Variants in TMCC3 observed in about 807,000 individuals in gnomAD.
The protein encoded by TMCC3 is transmembrane and coiled-coil domain family 3.
A neutral mutation model predicts 40.2 loss-of-function variants in TMCC3; 28 were observed. The ratio of observed to expected loss-of-function variants is 0.70; its 90% CI spans 0.52 to 0.95. TMCC3 has a LOEUF of 0.95. Among genes scored for constraint, TMCC3 ranks in the 40% least tolerant of loss-of-function variants. The pLI, the probability that TMCC3 is intolerant of heterozygous loss-of-function variation, is 0.00. For missense variants in TMCC3, 554 were observed against 615.2 expected, an observed-to-expected ratio of 0.90 and a Z score of 1.05; for synonymous variants, 255 against 248.5, an observed-to-expected ratio of 1.03 and a Z score of -0.25.
Position 94,567,623 on chromosome 12 carries a change from A to G in TMCC3, c.*3812T>C, listed in dbSNP as rs889957884. The G allele has an allele frequency of 1.3e-5, 2 of 152,012 alleles. No individual in the cohort carries two copies. Among genetic ancestry groups the G allele is most frequent in the Non-Finnish European group, 2.9e-5 (2 of 68,012 alleles). The allele number at this position is 152,012 out of a possible 1,614,324, so 9.4% of individuals were successfully genotyped here. On this transcript the variant is annotated 3_prime_UTR_variant, in exon 4 of 4. Transcript: ENST00000261226. ...CCAATTTCATTCTTTGCAGTGATTT[A>G]TCTTTTTAAACCAACTCGTTCCTTT...
At chr12:94,632,260 G>T (rs1288261740) in intron 1 of TMCC3, among the ~76,000 whole-genome samples, 1 of 152,140 alleles carries the variant, frequency 6.6e-6, no homozygotes, top group Non-Finnish European at 1.5e-5. Flanking sequence ...AGAATTCATA[G>T]GACTGTGCAC....
intron 1 of TMCC3, among the ~76,000 whole-genome samples, chr12:94,589,058 G>A (rs371098131): frequency 3.3e-5 from 5 of 152,134 alleles, no homozygotes; most frequent in African/African-American, 4.8e-5. Flanking sequence ...CCTGACCTCA[G>A]GTGATCCGCC....
chr12:94,644,691 G>A (rs866877999), intron 1 of TMCC3, among the ~76,000 whole-genome samples: 27 of 152,122 alleles, frequency 1.8e-4, no homozygotes, highest in African/African-American at 4.3e-4. Context: ...CGGTGAAAAC[G>A]ATATCTGTGT....
At chr12:94,617,927 T>C (rs961111506) in intron 1 of TMCC3, among the ~76,000 whole-genome samples, 2 of 152,196 alleles carry the variant, frequency 1.3e-5, no homozygotes, top group Non-Finnish European at 2.9e-5. Context: ...ATAGCCTCTA[T>C]CCTCTGGCTC....
chr12:94,576,241 A>G (rs1410157764), intron 3 of TMCC3, among the ~76,000 whole-genome samples: 2 of 152,250 alleles, frequency 1.3e-5, no homozygotes, highest in Admixed American at 1.3e-4. Context: ...GTTGGTTCCC[A>G]GAACTGTCCC....
chr12:94,602,815 A>G (rs2068760932), intron 1 of TMCC3, among the ~76,000 whole-genome samples: 2 of 152,096 alleles, frequency 1.3e-5, no homozygotes, highest in African/African-American at 4.8e-5. Context: ...ATCAAGTTTG[A>G]ATTGTGACAC....
At chr12:94,649,121 C>T (rs2069037600) in intron 1 of TMCC3, among the ~76,000 whole-genome samples, 1 of 152,152 alleles carries the variant, frequency 6.6e-6, no homozygotes, top group African/African-American at 2.4e-5. Flanking sequence ...TATTATTCCA[C>T]CAAATATATT....
rs773811796 is a variant in TMCC3 at position 94,632,514 on chromosome 12, A to G, written c.78+17839T>C. On this transcript the variant is annotated intron_variant, in intron 1 of 3. Transcript: ENST00000261226. ...GCATCATAAAAATTTTCTCTTACAG[A>G]TATTAAAATGTGGCCTTAAAAAATC... Among the ~76,000 whole-genome samples, 3 of 152,242 alleles carry G rather than the reference A, an allele frequency of 2.0e-5. No homozygotes were observed. In the East Asian group the frequency reaches 5.8e-4, roughly 29 times the overall value.
At chr12:94,602,074 A>G (rs2068756467) in intron 1 of TMCC3, among the ~76,000 whole-genome samples, 1 of 152,192 alleles carries the variant, frequency 6.6e-6, no homozygotes, top group Non-Finnish European at 1.5e-5. Flanking sequence ...AATTAGAAAA[A>G]AGACAAGCCA....
chr12:94,588,219 C>T (rs2068649560), intron 1 of TMCC3, among the ~76,000 whole-genome samples: 1 of 152,192 alleles, frequency 6.6e-6, no homozygotes, highest in Admixed American at 6.5e-5. Context: ...TCTCCCAGGA[C>T]ACTCTGTATT....
At chr12:94,609,891 A>G (rs1425482796) in intron 1 of TMCC3, 1 of 152,124 alleles carries the variant, frequency 6.6e-6, no homozygotes, top group South Asian at 2.1e-4. Context: ...ATCTTCTTTC[A>G]TATTTTATTA....
intron 1 of TMCC3, chr12:94,609,986 G>T (rs1368933381): frequency 1.3e-5 from 2 of 152,202 alleles, no homozygotes; most frequent in African/African-American, 2.4e-5. Context: ...TGCAAGGGAG[G>T]CTGGGGAGGC....
chr12:94,607,139 A>G (rs570528831), intron 1 of TMCC3, among the ~76,000 whole-genome samples: 3 of 152,332 alleles, frequency 2.0e-5, no homozygotes, highest in East Asian at 3.9e-4. Flanking sequence ...TTGCACATCC[A>G]TTTATAGGCT....
At chr12:94,639,070 T>C (rs1208239452) in intron 1 of TMCC3, among the ~76,000 whole-genome samples, 1 of 152,230 alleles carries the variant, frequency 6.6e-6, no homozygotes, top group Non-Finnish European at 1.5e-5. Context: ...AAAGAATTCA[T>C]ATTTTCTGGA....
chr12:94,587,359 G>A (rs1185144393), intron 1 of TMCC3, among the ~76,000 whole-genome samples: 1 of 152,142 alleles, frequency 6.6e-6, no homozygotes, highest in Non-Finnish European at 1.5e-5. Flanking sequence ...AGACAATTCA[G>A]AACTAATACT....
At position 94,601,734 on chromosome 12, in the gene TMCC3, G is replaced by A. The variant is rs149113211; in HGVS notation, c.79-19196C>T. 3.1e-3 allele frequency among the ~76,000 whole-genome samples: 453 copies of A among 147,360 alleles called. 3 individuals are homozygous for A. Among genetic ancestry groups the A allele is most frequent in the African/African-American group, 0.011 (420 of 39,654 alleles). The stretch of plus-strand genomic sequence containing the variant: ...TGAGACAGGAGAATTGCTTGAACCC[G>A]GGAGGCAGAGGTTGCAGTGAACCAA... On this transcript the variant is annotated intron_variant, in intron 1 of 3. Coordinates refer to ENST00000261226, the MANE Select transcript of TMCC3 (RefSeq NM_020698.4).
chr12:94,638,722 C>T (rs2128899), intron 1 of TMCC3, among the ~76,000 whole-genome samples: 53,199 of 152,066 alleles, frequency 0.35, 9,520 homozygotes, highest in East Asian at 0.39. Context: ...TAAAATAGTA[C>T]CCTGCTGACT....
At chr12:94,622,670 T>C (rs1222311969) in intron 1 of TMCC3, among the ~76,000 whole-genome samples, 1 of 152,182 alleles carries the variant, frequency 6.6e-6, no homozygotes, top group African/African-American at 2.4e-5. Flanking sequence ...TTCCATACTC[T>C]GATTTTTATC....
chr12:94,649,609 C>T (rs1261181845), intron 1 of TMCC3, among the ~76,000 whole-genome samples: 1 of 152,214 alleles, frequency 6.6e-6, no homozygotes, highest in East Asian at 1.9e-4. Context: ...CAAAGGTATT[C>T]ACCGGGGAGG....
Sources: allele counts gnomAD v4.1 joint callset (sites outside exome capture counted in the v4.1 genomes callset), GRCh38; gene constraint gnomAD v4.1.1; transcripts MANE v1.5; gene names NCBI Gene and HGNC (gene_info 2026-07-23, HGNC 2026-07-21).